Variants in RSRC1 observed in about 807,000 individuals in gnomAD.
The protein encoded by RSRC1 is arginine and serine rich coiled-coil 1.
In RSRC1, 39 loss-of-function variants were observed where a neutral mutation model predicts 49.1. That is an observed-to-expected ratio of 0.79 (90% CI 0.61 to 1.04). The LOEUF (loss-of-function observed/expected upper bound fraction) is 1.04, where lower values mean the gene tolerates loss of function less well. Ranked by LOEUF, RSRC1 falls within the 50% of genes least tolerant of loss-of-function variation. The pLI is 0.00. For synonymous variants in RSRC1, 143 were observed against 130.8 expected (o/e 1.09, Z -0.63); for missense variants, 388 against 402.4 (o/e 0.96, Z 0.31).
At chr3:158,463,339 AAC>A (rs1176596944) in intron 7 of RSRC1, among the ~76,000 whole-genome samples, 1 of 152,104 alleles carries the variant, frequency 6.6e-6, no homozygotes, top group East Asian at 1.9e-4. Flanking sequence ...CTATCAAATT[AAC>A]AGTTCCCTGA....
intron 7 of RSRC1, among the ~76,000 whole-genome samples, chr3:158,518,120 G>GCA (rs1187362123): frequency 0.024 from 1,563 of 65,942 alleles, 93 homozygotes; most frequent in South Asian, 0.047. Context: ...GTGTGTGTGT[G>GCA]TGTGTGTATA....
intron 4 of RSRC1, among the ~76,000 whole-genome samples, chr3:158,246,225 C>A (rs1723880187): frequency 6.8e-6 from 1 of 147,090 alleles, no homozygotes; most frequent in Non-Finnish European, 1.5e-5. Flanking sequence ...GGAAGGGGAA[C>A]ATCACACACC....
At chr3:158,316,491 C>T (rs1283385242) in intron 5 of RSRC1, among the ~76,000 whole-genome samples, 1 of 122,512 alleles carries the variant, frequency 8.2e-6, no homozygotes, top group African/African-American at 3.2e-5. Context: ...GTCGCCCAGG[C>T]TGGAGTGCAG....
chr3:158,524,736 AC>A (rs1334924030), intron 7 of RSRC1, among the ~76,000 whole-genome samples: 1 of 152,034 alleles, frequency 6.6e-6, no homozygotes, highest in African/African-American at 2.4e-5. Context: ...ACCTTGCTCA[AC>A]CCTCATGTAT....
intron 6 of RSRC1, among the ~76,000 whole-genome samples, chr3:158,423,151 C>T (rs576585128): frequency 2.0e-4 from 31 of 152,040 alleles, no homozygotes; most frequent in African/African-American, 6.3e-4. Flanking sequence ...AGTCCTTGCC[C>T]ATGCCTATGT....
chr3:158,248,068 G>A (rs1416990465), intron 4 of RSRC1, among the ~76,000 whole-genome samples: 1 of 152,072 alleles, frequency 6.6e-6, no homozygotes, highest in East Asian at 1.9e-4. Flanking sequence ...TCCTCTTCGA[G>A]AGTGCTTAGG....
intron 6 of RSRC1, among the ~76,000 whole-genome samples, chr3:158,436,015 A>G (rs1037418452): frequency 5.3e-5 from 8 of 151,912 alleles, no homozygotes; most frequent in African/African-American, 1.9e-4. Context: ...AAATGTTTCT[A>G]AAACATTTAA....
chr3:158,444,747 C>T (rs2108379380), intron 6 of RSRC1, among the ~76,000 whole-genome samples: 1 of 151,640 alleles, frequency 6.6e-6, no homozygotes, highest in African/African-American at 2.4e-5. Flanking sequence ...AAATTTTTTG[C>T]AATCTACTCA....
At chr3:158,276,051 A>G in intron 4 of RSRC1, 1 of 855,926 alleles carries the variant, frequency 1.2e-6, no homozygotes, top group East Asian at 2.5e-5. Flanking sequence ...TCTATGTGGG[A>G]TCTTCACCAA....
intron 3 of RSRC1, among the ~76,000 whole-genome samples, chr3:158,142,064 C>T (rs955986809): frequency 6.6e-6 from 1 of 152,116 alleles, no homozygotes; most frequent in Non-Finnish European, 1.5e-5. Context: ...TGCCACTGCA[C>T]TCCAGCCTGG....
At chr3:158,416,496 A>G (rs904731261) in intron 6 of RSRC1, among the ~76,000 whole-genome samples, 2 of 152,064 alleles carry the variant, frequency 1.3e-5, no homozygotes, top group African/African-American at 4.8e-5. Context: ...TGGAGAGACC[A>G]CATATAAGTG....
At chr3:158,480,507 G>C (rs571574876) in intron 7 of RSRC1, among the ~76,000 whole-genome samples, 1 of 151,892 alleles carries the variant, frequency 6.6e-6, no homozygotes, top group Non-Finnish European at 1.5e-5. Flanking sequence ...GCGAAATTTG[G>C]TTTTTTCTAA....
intron 6 of RSRC1, among the ~76,000 whole-genome samples, chr3:158,453,618 A>G (rs1369854683): frequency 2.6e-5 from 4 of 151,850 alleles, no homozygotes; most frequent in African/African-American, 4.8e-5. Context: ...CCTGGCCTCA[A>G]TTGATCCTCC....
intron 4 of RSRC1, among the ~76,000 whole-genome samples, chr3:158,237,613 G>A (rs893500717): frequency 1.3e-5 from 2 of 152,072 alleles, no homozygotes; most frequent in African/African-American, 2.4e-5. Flanking sequence ...GTGCTCATTG[G>A]CCATTTATAT....
At chr3:158,211,442 A>C (rs1213359567) in intron 4 of RSRC1, among the ~76,000 whole-genome samples, 1 of 151,986 alleles carries the variant, frequency 6.6e-6, no homozygotes, top group Admixed American at 6.6e-5. Flanking sequence ...GCTACCAAAA[A>C]TCTAGCCATG....
At chr3:158,127,756 G>GTTTTT (rs34766107) in intron 3 of RSRC1, among the ~76,000 whole-genome samples, 2 of 81,262 alleles carry the variant, frequency 2.5e-5, no homozygotes, top group Admixed American at 1.4e-4. Context: ...CTGCTTTGTG[G>GTTTTT]TTTTTTTTTT....
chr3:158,151,030 T>C (rs1481621231), intron 3 of RSRC1, among the ~76,000 whole-genome samples: 1 of 152,236 alleles, frequency 6.6e-6, no homozygotes, highest in Non-Finnish European at 1.5e-5. Flanking sequence ...ATATTGCCCA[T>C]ATACCTTATA....
chr3:158,492,078 G>T (rs953723610), intron 7 of RSRC1, among the ~76,000 whole-genome samples: 1 of 152,170 alleles, frequency 6.6e-6, no homozygotes, highest in African/African-American at 2.4e-5. Context: ...AGGCAAAGGC[G>T]AAGCAAGGCA....
At chr3:158,211,327 C>G (rs1721660387) in intron 4 of RSRC1, among the ~76,000 whole-genome samples, 1 of 151,782 alleles carries the variant, frequency 6.6e-6, no homozygotes, top group Non-Finnish European at 1.5e-5. Flanking sequence ...ATGCCTCATA[C>G]AAATATACAT....
Sources: gnomAD v4.1 joint callset for allele counts (sites outside exome capture counted in the v4.1 genomes callset) on GRCh38, gnomAD v4.1.1 for gene constraint, MANE v1.5 for transcripts, NCBI Gene and HGNC (gene_info 2026-07-23, HGNC 2026-07-21) for gene names.